FHIT: variants seen among roughly 807,000 people sequenced by gnomAD.
FHIT encodes the protein bis(5'-adenosyl)-triphosphatase.
In FHIT, 19 loss-of-function variants were observed where a neutral mutation model predicts 17.9. That is an observed-to-expected ratio of 1.06 (90% CI 0.74 to 1.56). The LOEUF (loss-of-function observed/expected upper bound fraction) is 1.56. Among genes scored for constraint, FHIT ranks in the 40% most tolerant of loss-of-function variants. The pLI is 0.00. For synonymous variants in FHIT, 81 were observed against 69.7 expected (o/e 1.16, Z -0.81); for missense variants, 248 against 189.2 (o/e 1.31, Z -1.82).
At chr3:60,417,936 G>T (rs539705996) in intron 5 of FHIT, among the ~76,000 whole-genome samples, 2 of 152,244 alleles carry the variant, frequency 1.3e-5, no homozygotes, top group South Asian at 4.1e-4. Flanking sequence ...AGCATTTTAT[G>T]AACTCCCATG....
intron 4 of FHIT, among the ~76,000 whole-genome samples, chr3:60,748,315 G>GTTA (rs1189053532): frequency 6.6e-6 from 1 of 152,130 alleles, no homozygotes; most frequent in Non-Finnish European, 1.5e-5. Context: ...CAGGAGAAAA[G>GTTA]TTTATTTATG....
intron 2 of FHIT, among the ~76,000 whole-genome samples, chr3:61,093,873 T>C (rs531282020): frequency 6.6e-6 from 1 of 152,326 alleles, no homozygotes; most frequent in Admixed American, 6.5e-5. Context: ...AAATGGTTAC[T>C]AGTCTTGTTA....
chr3:59,988,128 T>C (rs1709067763), intron 7 of FHIT, among the ~76,000 whole-genome samples: 1 of 152,088 alleles, frequency 6.6e-6, no homozygotes, highest in Non-Finnish European at 1.5e-5. Context: ...CCTGGAAATC[T>C]GGAAGCAACA....
At chr3:59,974,463 A>T (rs543594035) in intron 7 of FHIT, among the ~76,000 whole-genome samples, 1 of 152,274 alleles carries the variant, frequency 6.6e-6, no homozygotes, top group East Asian at 1.9e-4. Context: ...AGTTCCACTG[A>T]CTATTCCAGT....
intron 7 of FHIT, among the ~76,000 whole-genome samples, chr3:59,996,285 G>A (rs139633704): frequency 1.7e-3 from 263 of 152,184 alleles, no homozygotes; most frequent in South Asian, 6.4e-3. Flanking sequence ...CATTTCCCAT[G>A]AGTGAGAGAG....
chr3:60,833,548 C>G (rs1268302011), intron 3 of FHIT, among the ~76,000 whole-genome samples: 1 of 152,096 alleles, frequency 6.6e-6, no homozygotes, highest in Non-Finnish European at 1.5e-5. Flanking sequence ...GATTTTTGTT[C>G]ATATTCCCCT....
At chr3:61,060,945 G>A (rs1337999004) in intron 2 of FHIT, among the ~76,000 whole-genome samples, 1 of 152,148 alleles carries the variant, frequency 6.6e-6, no homozygotes, top group East Asian at 1.9e-4. Flanking sequence ...CCAAATGATT[G>A]TTTTTGCCTC....
intron 5 of FHIT, among the ~76,000 whole-genome samples, chr3:60,525,935 T>A (rs1284487528): frequency 2.0e-5 from 3 of 151,984 alleles, no homozygotes; most frequent in African/African-American, 7.3e-5. Context: ...AAACCTTGTC[T>A]CTACAAAAAA....
Position 61,237,691 on chromosome 3 carries a change from G to A in FHIT, c.-213+13610C>T, listed in dbSNP as rs575400184. Among the ~76,000 whole-genome samples the A allele has an allele frequency of 5.3e-5, 8 of 152,320 alleles. No homozygotes were observed. The South Asian group carries it at 1.7e-3, about 32-fold the overall frequency. ...GAGTGCTGAGTATGTATCAGGCACTGTGTAGAACATAATTGAAATCAATGA... is the reference window on the plus strand; with the variant it reads ...GAGTGCTGAGTATGTATCAGGCACTATGTAGAACATAATTGAAATCAATGA... On this transcript the variant is annotated intron_variant, in intron 1 of 9. Coordinates refer to ENST00000492590, the MANE Select transcript of FHIT (RefSeq NM_002012.4).
In FHIT at chr3:60,425,741, AAGT is replaced by A. The variant is rs1480495439; in HGVS notation, c.103+111116_103+111118del. On this transcript the variant is annotated intron_variant, in intron 5 of 9. Coordinates refer to ENST00000492590, the MANE Select transcript of FHIT (RefSeq NM_002012.4). ...GTCATAAAAATTATAGTTACAGGCT[AAGT>A]AGTTAAATCAGAATTACACACCACC... Among the ~76,000 whole-genome samples, 5 of 152,278 alleles carry A rather than the reference AAGT, an allele frequency of 3.3e-5. No homozygotes were observed. The East Asian group carries it at 9.7e-4, about 29-fold the overall frequency.
chr3:60,609,238 C>T (rs969738526), intron 4 of FHIT, among the ~76,000 whole-genome samples: 12 of 152,154 alleles, frequency 7.9e-5, no homozygotes, highest in African/African-American at 2.2e-4. Flanking sequence ...TATGTCCATC[C>T]AACAAATCTG....
At chr3:60,946,282 C>T (rs1210280903) in intron 3 of FHIT, among the ~76,000 whole-genome samples, 1 of 152,158 alleles carries the variant, frequency 6.6e-6, no homozygotes, top group Non-Finnish European at 1.5e-5. Context: ...GTGAAACATA[C>T]TTTGAAGGTT....
intron 5 of FHIT, among the ~76,000 whole-genome samples, chr3:60,440,969 T>A (rs2030743317): frequency 6.6e-6 from 1 of 152,146 alleles, no homozygotes; most frequent in Non-Finnish European, 1.5e-5. Context: ...GAGAAATGTA[T>A]TATGAACTTG....
chr3:60,248,145 G>C (rs1276737136), intron 5 of FHIT, among the ~76,000 whole-genome samples: 1 of 152,144 alleles, frequency 6.6e-6, no homozygotes, highest in Non-Finnish European at 1.5e-5. Context: ...TAAAAAAGCT[G>C]TAAAACGTCC....
At chr3:61,209,255 T>C (rs372502427) in intron 1 of FHIT, among the ~76,000 whole-genome samples, 1 of 152,362 alleles carries the variant, frequency 6.6e-6, no homozygotes, top group South Asian at 2.1e-4. Context: ...TAAAATTTTT[T>C]ACTTCATTTC....
chr3:60,052,822 CAT>C (rs1302153769), intron 5 of FHIT, among the ~76,000 whole-genome samples: 1 of 148,740 alleles, frequency 6.7e-6, no homozygotes, highest in Non-Finnish European at 1.5e-5. Flanking sequence ...ATATATTACA[CAT>C]ATAATTTTTT....
chr3:60,498,677 A>AAGTTGAACAAAC (rs1246275576), intron 5 of FHIT, among the ~76,000 whole-genome samples: 1 of 152,184 alleles, frequency 6.6e-6, no homozygotes, highest in Non-Finnish European at 1.5e-5. Context: ...GCACTAGGCA[A>AAGTTGAACAAAC]AGTTGAACAA....
At chr3:60,539,133 A>G (rs565089884) in intron 4 of FHIT, among the ~76,000 whole-genome samples, 2 of 152,358 alleles carry the variant, frequency 1.3e-5, no homozygotes, top group African/African-American at 4.8e-5. Flanking sequence ...TGGGCGAAAG[A>G]TATGAACAGA....
intron 2 of FHIT, among the ~76,000 whole-genome samples, chr3:61,183,043 T>C (rs1033334879): frequency 2.6e-5 from 4 of 152,288 alleles, no homozygotes; most frequent in African/African-American, 9.6e-5. Context: ...GAGATACAGA[T>C]TTCTGGAATA....
Sources: allele counts gnomAD v4.1 joint callset (sites outside exome capture counted in the v4.1 genomes callset), GRCh38; gene constraint gnomAD v4.1.1; transcripts MANE v1.5; gene names NCBI Gene and HGNC (gene_info 2026-07-23, HGNC 2026-07-21).